RNF13: variants seen among roughly 807,000 people sequenced by gnomAD.
RNF13 encodes ring finger protein 13, also known as E3 ubiquitin-protein ligase RNF13.
RNF13 carries 19 observed loss-of-function variants against 37.7 expected under a neutral mutation model. That is an observed-to-expected ratio of 0.50 (90% CI 0.35 to 0.74). RNF13 has a LOEUF of 0.74. Among genes scored for constraint, RNF13 ranks in the 30% least tolerant of loss-of-function variants. The pLI, the probability that RNF13 is intolerant of heterozygous loss-of-function variation, is 0.01. For synonymous variants in RNF13, 144 were observed against 157.8 expected (o/e 0.91, Z 0.65); for missense variants, 375 against 453.0 (o/e 0.83, Z 1.56).
At position 149,898,979 on chromosome 3, in the gene RNF13, A is replaced by C. The variant is rs117463243; in HGVS notation, c.410-3093A>C. On this transcript the variant is annotated intron_variant, in intron 5 of 9. Coordinates refer to ENST00000392894, the MANE Select transcript of RNF13 (RefSeq NM_183381.3). ...GGGTATTCCAAGGAGACGGAACAAC[A>C]AGTACAACAATTCAAAGATAAAGCA... Among the ~76,000 whole-genome samples the C allele has an allele frequency of 2.2e-4, 33 of 152,294 alleles. No homozygotes were observed. In the East Asian group the frequency reaches 6.2e-3, roughly 29 times the overall value.
chr3:149,945,059 A>C (rs1399606390), intron 8 of RNF13, among the ~76,000 whole-genome samples: 1 of 152,190 alleles, frequency 6.6e-6, no homozygotes, highest in African/African-American at 2.4e-5. Flanking sequence ...CCATTTATTA[A>C]ATAGGGAATC....
chr3:149,850,316 A>G (rs1723016959), intron 2 of RNF13, among the ~76,000 whole-genome samples: 1 of 152,172 alleles, frequency 6.6e-6, no homozygotes, highest in Admixed American at 6.6e-5. Context: ...ACATGCTTTA[A>G]TTTTATGAGC....
chr3:149,915,248 C>G (rs575902944), intron 7 of RNF13, among the ~76,000 whole-genome samples: 1 of 152,116 alleles, frequency 6.6e-6, no homozygotes, highest in Non-Finnish European at 1.5e-5. Context: ...GTCCTTACAT[C>G]TCTGGATTAT....
intron 7 of RNF13, among the ~76,000 whole-genome samples, chr3:149,916,761 T>C (rs757537151): frequency 1.3e-5 from 2 of 152,076 alleles, no homozygotes; most frequent in Non-Finnish European, 2.9e-5. Flanking sequence ...AGATAAAAAA[T>C]ATAGACTAAA....
At chr3:149,845,295 A>G (rs1722537572) in intron 1 of RNF13, among the ~76,000 whole-genome samples, 1 of 152,232 alleles carries the variant, frequency 6.6e-6, no homozygotes, top group Non-Finnish European at 1.5e-5. Flanking sequence ...GTTTAAGAGT[A>G]TATAATACAA....
At chr3:149,941,280 T>C (rs1321863985) in intron 8 of RNF13, among the ~76,000 whole-genome samples, 1 of 152,148 alleles carries the variant, frequency 6.6e-6, no homozygotes, top group Non-Finnish European at 1.5e-5. Context: ...TCCTTACTGC[T>C]TGCTCTCTGT....
chr3:149,950,405 G>A (rs762156199), intron 8 of RNF13, among the ~76,000 whole-genome samples: 13 of 152,192 alleles, frequency 8.5e-5, no homozygotes, highest in Non-Finnish European at 1.5e-4. Flanking sequence ...TAAATAGGCC[G>A]TTAGTCATGT....
chr3:149,915,727 G>A (rs1034156886), intron 7 of RNF13, among the ~76,000 whole-genome samples: 9 of 152,156 alleles, frequency 5.9e-5, no homozygotes, highest in African/African-American at 1.2e-4. Context: ...TTTATGCTAC[G>A]TGAAATAAGC....
At chr3:149,822,695 CATT>C (rs1323391137) in intron 1 of RNF13, 8 of 151,998 alleles carry the variant, frequency 5.3e-5, no homozygotes, top group Admixed American at 5.2e-4. Flanking sequence ...TATATTTGGT[CATT>C]ATTAAAGAAG....
intron 8 of RNF13, among the ~76,000 whole-genome samples, chr3:149,950,668 GTCTT>G (rs1002423327): frequency 1.3e-5 from 2 of 151,614 alleles, no homozygotes; most frequent in African/African-American, 2.4e-5. Context: ...TAGAAATGGG[GTCTT>G]TCTATGTTGC....
chr3:149,940,833 A>G (rs1261568032), intron 8 of RNF13, among the ~76,000 whole-genome samples: 1 of 152,128 alleles, frequency 6.6e-6, no homozygotes, highest in Non-Finnish European at 1.5e-5. Flanking sequence ...GTACCCACTA[A>G]ATACTAATAA....
At chr3:149,939,811 G>A (rs1311634987) in intron 8 of RNF13, 13 of 557,870 alleles carry the variant, frequency 2.3e-5, no homozygotes, top group African/African-American at 3.8e-5. Context: ...GTGGTGACAC[G>A]CACTTAGGTG....
chr3:149,819,763 A>G (rs967886900), intron 1 of RNF13, among the ~76,000 whole-genome samples: 6 of 152,224 alleles, frequency 3.9e-5, no homozygotes, highest in Admixed American at 3.3e-4. Flanking sequence ...GTATTCTGAA[A>G]ACTGCTTAAT....
rs568431234 is a variant in RNF13, at chr3:149,959,372, T to A, written c.701-684T>A. 5.1e-4 allele frequency among the ~76,000 whole-genome samples: 77 copies of A among 151,276 alleles called. 1 individual carries two copies. Among genetic ancestry groups the A allele is most frequent in the Non-Finnish European group, 9.1e-4 (62 of 67,844 alleles). ...GTTCCTTTAAAAACTTAAAAAACAC[T>A]GGAACTCCAAAAAGAGCTATGAATT... is the stretch of plus-strand genomic sequence containing the variant. On this transcript the variant is annotated intron_variant, in intron 8 of 9. Coordinates refer to ENST00000392894, the MANE Select transcript of RNF13 (RefSeq NM_183381.3).
intron 8 of RNF13, among the ~76,000 whole-genome samples, chr3:149,938,462 C>T (rs1001231880): frequency 5.3e-5 from 8 of 150,752 alleles, no homozygotes; most frequent in African/African-American, 1.9e-4. Flanking sequence ...TATGAGCCAC[C>T]GTGCCTGGCC....
intron 1 of RNF13, among the ~76,000 whole-genome samples, chr3:149,845,367 G>C (rs1395321541): frequency 6.6e-6 from 1 of 152,072 alleles, no homozygotes; most frequent in East Asian, 1.9e-4. Context: ...TCTTTTCACG[G>C]TATCTTTTTG....
At chr3:149,902,703 C>T (rs1715965220) in intron 6 of RNF13, among the ~76,000 whole-genome samples, 1 of 152,064 alleles carries the variant, frequency 6.6e-6, no homozygotes, top group African/African-American at 2.4e-5. Flanking sequence ...TAACTTAAGG[C>T]ACAGCTGTCT....
chr3:149,833,118 C>CTCTTTTTTTTTTTTT, intron 1 of RNF13, among the ~76,000 whole-genome samples: 1 of 111,876 alleles, frequency 8.9e-6, no homozygotes, highest in Non-Finnish European at 1.7e-5. Context: ...CTCTCTCTCT[C>CTCTTTTTTTTTTTTT]TTTTTTTTTT....
intron 4 of RNF13, chr3:149,894,022 T>C (rs1243617502): frequency 6.6e-6 from 1 of 152,304 alleles, no homozygotes; most frequent in Admixed American, 6.5e-5. Flanking sequence ...TTTAAACACA[T>C]TTAAAAAGTA....
Sources: allele counts gnomAD v4.1 joint callset (sites outside exome capture counted in the v4.1 genomes callset), GRCh38; gene constraint gnomAD v4.1.1; transcripts MANE v1.5; gene names NCBI Gene and HGNC (gene_info 2026-07-23, HGNC 2026-07-21).